Variants in FER1L6 observed in about 807,000 individuals in gnomAD.
FER1L6 encodes fer-1-like protein 6.
A neutral mutation model predicts 219.2 loss-of-function variants in FER1L6; 177 were observed. The ratio of observed to expected loss-of-function variants is 0.81; its 90% confidence interval spans 0.71 to 0.91. The LOEUF (loss-of-function observed/expected upper bound fraction) is 0.91, where lower values mean the gene tolerates loss of function less well. FER1L6 is among the 40% of genes least tolerant of loss of function. FER1L6 has a pLI of 0.00. For synonymous variants in FER1L6, 768 were observed against 824.3 expected (o/e 0.93, Z 1.17); for missense variants, 2,153 against 2,259.9 (o/e 0.95, Z 0.96).
intron 1 of FER1L6, among the ~76,000 whole-genome samples, chr8:123,922,944 G>A (rs770390536): frequency 1.3e-5 from 2 of 150,276 alleles, no homozygotes; most frequent in Admixed American, 6.7e-5. Context: ...CCCTGGCTTC[G>A]GAGAACTCAA....
At chr8:123,951,796 G>T (rs1031455843) in intron 1 of FER1L6, among the ~76,000 whole-genome samples, 4 of 152,194 alleles carry the variant, frequency 2.6e-5, no homozygotes, top group Admixed American at 2.6e-4. Flanking sequence ...GCCCCGTACT[G>T]GGTGTTATGG....
intron 6 of FER1L6, among the ~76,000 whole-genome samples, chr8:123,970,972 A>G (rs906535045): frequency 6.6e-6 from 1 of 152,162 alleles, no homozygotes; most frequent in Non-Finnish European, 1.5e-5. Context: ...ATGGCTGGAG[A>G]GTAAGTTTCT....
intron 11 of FER1L6, among the ~76,000 whole-genome samples, chr8:123,983,805 A>G (rs1369712897): frequency 7.2e-5 from 11 of 152,238 alleles, no homozygotes; most frequent in Non-Finnish European, 1.0e-4. Context: ...AGCCTCATAC[A>G]TAGTGCTCAA....
intron 13 of FER1L6, among the ~76,000 whole-genome samples, chr8:124,005,424 T>C (rs376119422): frequency 6.6e-6 from 1 of 152,232 alleles, no homozygotes; most frequent in Admixed American, 6.5e-5. Context: ...TGTGTGCTGC[T>C]TCTGGACCTT....
intron 1 of FER1L6, among the ~76,000 whole-genome samples, chr8:123,950,530 T>C (rs2130077027): frequency 6.6e-6 from 1 of 152,314 alleles, no homozygotes. Context: ...GGCTCTGAAT[T>C]ATTCCTGAGT....
intron 1 of FER1L6, among the ~76,000 whole-genome samples, chr8:123,900,385 G>A (rs1812835872): frequency 6.6e-6 from 1 of 152,114 alleles, no homozygotes; most frequent in Admixed American, 6.6e-5. Context: ...GTTCTAGGAG[G>A]TTTCTGGAGG....
intron 1 of FER1L6, among the ~76,000 whole-genome samples, chr8:123,857,608 C>A (rs965923873): frequency 2.6e-5 from 4 of 152,190 alleles, no homozygotes; most frequent in African/African-American, 4.8e-5. Context: ...GTTAGGAATG[C>A]TCTACTCTTT....
rs748807323 is a variant in FER1L6, at chr8:123,852,838, A to T, written c.-8+653A>T. ...TTTGGATTTCACAAGTTTTTCCACG[A>T]ATGTCTTTTTCTGTTCTAGGAGCCA... On this transcript the variant is annotated intron_variant, in intron 1 of 40. Transcript: ENST00000522917. This position sits in a 1 kb window ranked among gnomAD's most constrained non-coding sequence, Gnocchi z 4.9. Among the ~76,000 whole-genome samples, 1 of 152,108 alleles carries T rather than the reference A, an allele frequency of 6.6e-6. No homozygotes were observed. Among genetic ancestry groups the T allele is most frequent in the Non-Finnish European group, 1.5e-5 (1 of 68,020 alleles).
At chr8:124,073,721 GGTAAA>G (rs1409951376) in intron 31 of FER1L6, among the ~76,000 whole-genome samples, 4 of 152,054 alleles carry the variant, frequency 2.6e-5, no homozygotes, top group African/African-American at 9.7e-5. Flanking sequence ...ATGTCCTAGA[GGTAAA>G]GTAATGAACA....
chr8:123,859,981 A>AT lies in FER1L6; in HGVS notation c.-8+7798dup, dbSNP rs1197907286. Among the ~76,000 whole-genome samples, 387 of 123,310 alleles carry AT rather than the reference A, an allele frequency of 3.1e-3. 8 individuals are homozygous for AT. Among genetic ancestry groups the AT allele is most frequent in the African/African-American group, 0.01 (361 of 34,504 alleles). The allele number at this position is 123,310 out of a possible 152,430, so 80.9% of individuals were successfully genotyped here. A position where few individuals can be genotyped will look rare whatever the true frequency, so the allele number is the denominator to read the frequency against. The stretch of plus-strand genomic sequence containing the variant: ...TATTATTATTATTACTATTATTATT[A>AT]TTATTTTTTTAATTATACTTTAAGT... On this transcript the variant is annotated intron_variant, in intron 1 of 40. Transcript: ENST00000522917.
At chr8:124,076,089 C>T (rs1821273440) in intron 31 of FER1L6, 109 bp from the exon 32 acceptor site, 4 of 1,393,918 alleles carry the variant, frequency 2.9e-6, no homozygotes, top group Admixed American at 3.9e-5. Flanking sequence ...ATCAGACTAT[C>T]TAGAGACAGA....
At chr8:123,858,681 T>C (rs1172186092) in intron 1 of FER1L6, among the ~76,000 whole-genome samples, 1 of 152,146 alleles carries the variant, frequency 6.6e-6, no homozygotes, top group Non-Finnish European at 1.5e-5. Context: ...CACAACTAAC[T>C]GCAAGGGAGA....
At position 124,049,788 on chromosome 8, in the gene FER1L6, T is replaced by C. The variant is rs760947012; in HGVS notation, c.2874+32T>C. On this transcript the variant is annotated intron_variant, in intron 22 of 40. Coordinates refer to ENST00000522917, the MANE Select transcript of FER1L6 (RefSeq NM_001039112.2). ...GAACCAGATGTGGCACGAGATCTAT[T>C]AGGTCTACCTGGCCAGAGAAGTGGC... 4 of 1,612,066 alleles carry C rather than the reference T, an allele frequency of 2.5e-6. No homozygotes were observed. In the East Asian group the frequency reaches 8.9e-5, roughly 36 times the overall value.
intron 1 of FER1L6, among the ~76,000 whole-genome samples, chr8:123,954,224 C>T (rs916196690): frequency 1.3e-5 from 2 of 152,134 alleles, no homozygotes; most frequent in African/African-American, 2.4e-5. Flanking sequence ...TCTTTCCATC[C>T]TAATGTATCT....
In FER1L6 at chr8:124,017,670, C is replaced by G; in HGVS notation, c.1965C>G (p.Asn655Lys). 1 of 1,613,758 alleles carries G rather than the reference C, an allele frequency of 6.2e-7. No homozygotes were observed. The highest frequency in any genetic ancestry group is 8.5e-7 in the Non-Finnish European group (1 of 1,179,752). The change falls in exon 16 of 41, where the codon AAC (asparagine) becomes AAG (lysine). Residue 655 changes from asparagine (N) to lysine (K), a missense_variant. Coordinates refer to ENST00000522917, the MANE Select transcript of FER1L6 (RefSeq NM_001039112.2). ...SEAEKKPKML[N>K]QTTLDKKRLT... ...CAGAAAAAAAGCCCAAGATGTTGAA[C>G]CAAACCACTTTAGATAAGAAGCGAC...
chr8:123,963,332 C>G lies in FER1L6; in HGVS notation c.131C>G (p.Pro44Arg). The G allele has an allele frequency of 1.1e-5, 17 of 1,614,114 alleles. No individual in the cohort carries two copies. The highest frequency in any genetic ancestry group is 1.4e-5 in the Non-Finnish European group (17 of 1,179,956). ...LQEEPSHQEGPRGDLVHDDAS... is the reference protein window; with the variant it reads ...LQEEPSHQEGRRGDLVHDDAS... Reference sequence around the variant, plus strand: ...GAGGAGCCTTCTCACCAGGAAGGACCGAGAGGAGATTTGGTCCATGATGAT... The same window carrying G: ...GAGGAGCCTTCTCACCAGGAAGGACGGAGAGGAGATTTGGTCCATGATGAT... Residue 44 changes from proline (P) to arginine (R), a missense_variant, in exon 3 of 41, where the codon CCG (proline) becomes CGG (arginine). Pro to Arg is a moderately radical substitution (Grantham distance 103, BLOSUM62 -2). Transcript: ENST00000522917.
chr8:124,055,397 A>T (rs969055640), intron 22 of FER1L6, among the ~76,000 whole-genome samples: 1 of 152,100 alleles, frequency 6.6e-6, no homozygotes, highest in Non-Finnish European at 1.5e-5. Context: ...GCATCTGTTT[A>T]CTCATTCAAT....
intron 10 of FER1L6, among the ~76,000 whole-genome samples, chr8:123,978,360 A>C (rs1441056868): frequency 6.6e-6 from 1 of 152,172 alleles, no homozygotes. Context: ...AGCGAGGTGC[A>C]CTGACTGTGC....
intron 34 of FER1L6, among the ~76,000 whole-genome samples, chr8:124,093,297 C>T (rs1485879436): frequency 6.6e-6 from 1 of 151,990 alleles, no homozygotes; most frequent in Non-Finnish European, 1.5e-5. Context: ...TAGGCAGGGA[C>T]ACAGACCCAA....
Sources: gnomAD v4.1 joint callset for allele counts (sites outside exome capture counted in the v4.1 genomes callset) on GRCh38, gnomAD v4.1.1 for gene constraint, Gnocchi (gnomAD v3.1) non-coding constraint, MANE v1.5 for transcripts, NCBI Gene and HGNC (gene_info 2026-07-23, HGNC 2026-07-21) for gene names.